Variants in NDUFA5 observed in about 807,000 individuals in gnomAD.
NDUFA5 encodes NADH:ubiquinone oxidoreductase subunit A5.
In NDUFA5, 11 loss-of-function variants were observed where a neutral mutation model predicts 19.8. The observed-to-expected ratio is 0.56, with a 90% CI of 0.35 to 0.92. The LOEUF (loss-of-function observed/expected upper bound fraction) is 0.92. Among genes scored for constraint, NDUFA5 ranks in the 40% least tolerant of loss-of-function variants. NDUFA5 has a pLI of 0.01. For missense variants in NDUFA5, 109 were observed against 134.2 expected (o/e 0.81, Z 0.93); for synonymous variants, 47 against 46.8 (o/e 1.00, Z -0.01).
chr7:123,548,311 T>C (rs1270208065), intron 3 of NDUFA5, among the ~76,000 whole-genome samples: 1 of 152,182 alleles, frequency 6.6e-6, no homozygotes, highest in African/African-American at 2.4e-5. Context: ...AGGAACCTTA[T>C]GTTCCAGGTA....
the NDUFA5 span, among the ~76,000 whole-genome samples, chr7:123,573,895 C>A: frequency 6.6e-6 from 1 of 151,888 alleles, no homozygotes; most frequent in Admixed American, 6.6e-5. Flanking sequence ...TAAAAAAAAA[C>A]TACCATTGTC....
At position 123,538,414 on chromosome 7, in the gene NDUFA5, T is replaced by C. The variant is rs1277568702; in HGVS notation, c.*3705A>G. 6.6e-6 allele frequency: 1 copy of C among 152,186 alleles called. No homozygotes were observed. Among genetic ancestry groups the C allele is most frequent in the Admixed American group, 6.5e-5 (1 of 15,276 alleles). 9.4% of individuals were successfully genotyped at this position (152,186 alleles called of 1,614,324 possible). A position where few individuals can be genotyped will look rare whatever the true frequency, so the allele number is the denominator to read the frequency against. Reference sequence around the variant, plus strand: ...TTCAAACCCCTTATCACATTCCCACTGTGATTTCCTGTGAATTTTGTCTAA... The same window carrying C: ...TTCAAACCCCTTATCACATTCCCACCGTGATTTCCTGTGAATTTTGTCTAA... On this transcript the variant is annotated 3_prime_UTR_variant, in exon 5 of 5. Transcript: ENST00000355749.
intron 3 of NDUFA5, among the ~76,000 whole-genome samples, chr7:123,548,679 AG>A (rs1798221721): frequency 6.6e-6 from 1 of 152,200 alleles, no homozygotes; most frequent in African/African-American, 2.4e-5. Flanking sequence ...AGAACTTAGA[AG>A]GCCTTCTATA....
chr7:123,543,911 G>A (rs1178080184), intron 4 of NDUFA5, among the ~76,000 whole-genome samples: 2 of 152,088 alleles, frequency 1.3e-5, no homozygotes, highest in Non-Finnish European at 2.9e-5. Flanking sequence ...ATAGAAAGCT[G>A]TCTGAATGCT....
the NDUFA5 span, among the ~76,000 whole-genome samples, chr7:123,581,736 T>C: frequency 4.6e-5 from 7 of 151,934 alleles, no homozygotes; most frequent in African/African-American, 1.7e-4. Flanking sequence ...GGCTGTAACA[T>C]GAAAATTTTC....
Position 123,537,371 on chromosome 7 carries a change from A to T in NDUFA5, c.*4748T>A, listed in dbSNP as rs1562887308. On this transcript the variant is annotated 3_prime_UTR_variant, in exon 5 of 5. Transcript: ENST00000355749. ...AATTTAGAAAACTAAGGACCTGAAA[A>T]TTTTTGTTTTGGAAATTATTTAGAT... The T allele has an allele frequency of 6.6e-6, 1 of 152,130 alleles. No individual in the cohort carries two copies. Among genetic ancestry groups the T allele is most frequent in the African/African-American group, 2.4e-5 (1 of 41,436 alleles). The allele number at this position is 152,130 out of a possible 1,614,324, so 9.4% of individuals were successfully genotyped here.
At position 123,542,801 on chromosome 7, in the gene NDUFA5, TACTA is replaced by T. The variant is rs544396760; in HGVS notation, c.250-585_250-582del. Among the ~76,000 whole-genome samples the T allele has an allele frequency of 4.3e-3, 656 of 152,318 alleles. 3 individuals carry two copies. The highest frequency in any genetic ancestry group is 7.9e-3 in the Non-Finnish European group (535 of 68,014). On this transcript the variant is annotated intron_variant, in intron 4 of 4. Coordinates refer to ENST00000355749, the MANE Select transcript of NDUFA5 (RefSeq NM_005000.5). ...ACACAATACATGTATAATTAATATT[TACTA>T]ACTGAGTAAATTCCTTAATCAAATT...
chr7:123,565,396 TACAC>T, the NDUFA5 span, among the ~76,000 whole-genome samples: 37,546 of 148,178 alleles, frequency 0.25, 4,788 homozygotes, highest in East Asian at 0.31. Flanking sequence ...TAGCTTATAA[TACAC>T]ACACACACAC....
upstream of NDUFA5, among the ~76,000 whole-genome samples, chr7:123,562,064 C>G (rs764263759): frequency 1.3e-5 from 2 of 151,974 alleles, no homozygotes; most frequent in Admixed American, 1.3e-4. Flanking sequence ...CTCCTTGACT[C>G]GTGGACTGCA....
the NDUFA5 span, among the ~76,000 whole-genome samples, chr7:123,584,504 G>A: frequency 6.6e-6 from 1 of 151,798 alleles, no homozygotes; most frequent in Admixed American, 6.6e-5. Flanking sequence ...CTAACATCTT[G>A]TTCTAAATGT....
At chr7:123,582,773 C>T in the NDUFA5 span, among the ~76,000 whole-genome samples, 11 of 151,934 alleles carry the variant, frequency 7.2e-5, no homozygotes, top group African/African-American at 2.4e-4. Context: ...CTATTCATCC[C>T]CTCCACTGAC....
chr7:123,586,642 A>G, the NDUFA5 span, among the ~76,000 whole-genome samples: 1 of 151,672 alleles, frequency 6.6e-6, no homozygotes, highest in African/African-American at 2.4e-5. Flanking sequence ...TCCATTGTCA[A>G]GTACACCTCC....
the NDUFA5 span, among the ~76,000 whole-genome samples, chr7:123,594,185 T>A: frequency 2.6e-5 from 4 of 152,104 alleles, no homozygotes; most frequent in Non-Finnish European, 4.4e-5. Context: ...TCCTCTAACC[T>A]TTTTTCAAGG....
the NDUFA5 span, chr7:123,596,570 C>T: frequency 6.6e-6 from 1 of 151,934 alleles, no homozygotes; most frequent in Admixed American, 6.6e-5. Flanking sequence ...CAAGATCGTA[C>T]CAGTGCACTC....
At chr7:123,552,632 T>G (rs773163829) in intron 2 of NDUFA5, among the ~76,000 whole-genome samples, 1,158 of 49,156 alleles carry the variant, frequency 0.024, 8 homozygotes, top group Middle Eastern at 0.038. Context: ...ACTTAAAGTA[T>G]AACTAAAAAA....
At chr7:123,580,959 G>C in the NDUFA5 span, among the ~76,000 whole-genome samples, 1 of 151,828 alleles carries the variant, frequency 6.6e-6, no homozygotes. Context: ...TCAGCAAAGA[G>C]TTCAAAATAC....
chr7:123,552,636 TA>T (rs774901648), intron 2 of NDUFA5, among the ~76,000 whole-genome samples: 1,190 of 67,410 alleles, frequency 0.018, 13 homozygotes, highest in African/African-American at 0.054. Context: ...AAAGTATAAC[TA>T]AAAAAAAAAA....
At chr7:123,548,420 G>A (rs1335328209) in intron 3 of NDUFA5, among the ~76,000 whole-genome samples, 3 of 152,156 alleles carry the variant, frequency 2.0e-5, no homozygotes, top group Non-Finnish European at 2.9e-5. Context: ...ACAATGGAAA[G>A]GAGGTAACAA....
At chr7:123,545,844 AT>A in intron 3 of NDUFA5, 168 bp from the exon 4 acceptor site, 1 of 539,910 alleles carries the variant, frequency 1.9e-6, no homozygotes, top group Non-Finnish European at 3.2e-6. Flanking sequence ...CTGCTATTTC[AT>A]TGCTTTTCTG....
Sources: allele counts gnomAD v4.1 joint callset (sites outside exome capture counted in the v4.1 genomes callset), GRCh38; gene constraint gnomAD v4.1.1; transcripts MANE v1.5; gene names NCBI Gene and HGNC (gene_info 2026-07-23, HGNC 2026-07-21).